The following FRMD5 variants were observed in gnomAD, a reference collection of about 807,000 sequenced individuals.
FRMD5 encodes FERM domain-containing protein 5.
Under a neutral mutation model 69.0 loss-of-function variants are expected in FRMD5, and 20 were observed. That is an observed-to-expected ratio of 0.29 (90% confidence interval 0.20 to 0.42). The LOEUF (loss-of-function observed/expected upper bound fraction) is 0.42, where lower values mean the gene tolerates loss of function less well. Among genes scored for constraint, FRMD5 ranks in the 10% least tolerant of loss-of-function variants. The pLI is 1.00. For missense variants in FRMD5, 595 were observed against 708.6 expected, an observed-to-expected ratio of 0.84 and a Z score of 1.82; for synonymous variants, 271 against 260.1, an observed-to-expected ratio of 1.04 and a Z score of -0.40.
chr15:44,140,510 A>G (rs555624453), intron 1 of FRMD5, among the ~76,000 whole-genome samples: 1 of 152,274 alleles, frequency 6.6e-6, no homozygotes, highest in East Asian at 1.9e-4. Flanking sequence ...AGCAAGAAGA[A>G]AAATAAAAGG....
intron 1 of FRMD5, among the ~76,000 whole-genome samples, chr15:44,181,674 G>A (rs967641763): frequency 1.3e-5 from 2 of 152,088 alleles, no homozygotes; most frequent in Non-Finnish European, 2.9e-5. Context: ...TGTTGACGTG[G>A]GAGGATTACT....
At chr15:44,006,043 G>A (rs1055799784) in intron 1 of FRMD5, among the ~76,000 whole-genome samples, 4 of 152,176 alleles carry the variant, frequency 2.6e-5, no homozygotes, top group Non-Finnish European at 5.9e-5. Flanking sequence ...ATGCCATCTA[G>A]GACTTTCATA....
chr15:43,966,150 G>A (rs1271560139), intron 1 of FRMD5, among the ~76,000 whole-genome samples: 1 of 151,734 alleles, frequency 6.6e-6, no homozygotes, highest in Non-Finnish European at 1.5e-5. Flanking sequence ...GAGGTGGGCA[G>A]ATCACTTGTC....
At chr15:43,876,895 A>G (rs2088376018) in intron 13 of FRMD5, among the ~76,000 whole-genome samples, 1 of 152,110 alleles carries the variant, frequency 6.6e-6, no homozygotes. Flanking sequence ...TTTCTCTTAC[A>G]TTTGGTAGGA....
At chr15:43,950,614 G>A (rs1159938908) in intron 1 of FRMD5, among the ~76,000 whole-genome samples, 1 of 152,154 alleles carries the variant, frequency 6.6e-6, no homozygotes. Context: ...AAATAATGTG[G>A]GCAGAGGCCA....
intron 1 of FRMD5, among the ~76,000 whole-genome samples, chr15:44,114,254 G>A (rs2076838639): frequency 6.6e-6 from 1 of 152,180 alleles, no homozygotes; most frequent in South Asian, 2.1e-4. Context: ...AAGGAAAATG[G>A]ATACTGACTC....
At chr15:44,154,407 C>T (rs923369714) in intron 1 of FRMD5, among the ~76,000 whole-genome samples, 7 of 151,872 alleles carry the variant, frequency 4.6e-5, no homozygotes, top group African/African-American at 1.5e-4. Context: ...TTAGTTTTTC[C>T]GAATCACCAT....
intron 1 of FRMD5, chr15:43,989,856 G>A: frequency 2.0e-6 from 2 of 1,024,200 alleles, no homozygotes; most frequent in Non-Finnish European, 3.1e-6. Flanking sequence ...TGGGGCTCAG[G>A]GGGACCTTGG....
chr15:43,974,161 G>A (rs1050217415), intron 1 of FRMD5, among the ~76,000 whole-genome samples: 2 of 152,042 alleles, frequency 1.3e-5, no homozygotes, highest in African/African-American at 4.8e-5. Context: ...AAGCACACAA[G>A]ATGGTCCTCT....
intron 1 of FRMD5, among the ~76,000 whole-genome samples, chr15:43,979,031 T>C (rs1338321651): frequency 6.6e-6 from 1 of 152,104 alleles, no homozygotes; most frequent in Non-Finnish European, 1.5e-5. Flanking sequence ...ATGTAGAAAA[T>C]GCTTATAGAA....
intron 1 of FRMD5, among the ~76,000 whole-genome samples, chr15:44,115,067 A>G (rs552127519): frequency 1.3e-5 from 2 of 152,238 alleles, no homozygotes; most frequent in Non-Finnish European, 2.9e-5. Flanking sequence ...GAGTAAGCTA[A>G]TATTATGAAG....
At chr15:43,955,163 C>G in intron 1 of FRMD5, among the ~76,000 whole-genome samples, 1 of 152,230 alleles carries the variant, frequency 6.6e-6, no homozygotes, top group Admixed American at 6.5e-5. Context: ...AAAGTCTCAA[C>G]TCTTTAACAC....
intron 13 of FRMD5, among the ~76,000 whole-genome samples, chr15:43,880,942 G>A (rs527547606): frequency 1.3e-5 from 2 of 152,218 alleles, no homozygotes; most frequent in South Asian, 4.1e-4. Flanking sequence ...ATGGGGACCT[G>A]ACTCAGCCTC....
At position 43,888,253 on chromosome 15, in the gene FRMD5, A is replaced by G; in HGVS notation, c.806T>C (p.Ile269Thr). 7.4e-6 allele frequency: 12 copies of G among 1,613,492 alleles called. No individual in the cohort carries two copies. The highest frequency in any genetic ancestry group is 9.3e-6 in the Non-Finnish European group (11 of 1,179,436). Residue 269 changes from isoleucine to threonine, a missense_variant, in exon 10 of 14, where the codon ATT (isoleucine) becomes ACT (threonine). Ile to Thr is a moderately conservative substitution (Grantham distance 89). Transcript: ENST00000417257. The stretch of plus-strand genomic sequence containing the variant: ...AGGAGTTGGAGCAAAATATGTAAGA[A>G]TAATTTTCTTTTCCTGCAAAAAATT... ...YVSQKEEKKI[I>T]LTYFAPTPEA... is the part of the protein sequence containing the mutation.
chr15:44,084,305 A>G (rs1425423039), intron 1 of FRMD5, among the ~76,000 whole-genome samples: 1 of 152,040 alleles, frequency 6.6e-6, no homozygotes, highest in East Asian at 1.9e-4. Flanking sequence ...CCTTCAAAGA[A>G]TCAATCTCTC....
At chr15:44,135,690 T>C (rs575090139) in intron 1 of FRMD5, among the ~76,000 whole-genome samples, 1 of 151,968 alleles carries the variant, frequency 6.6e-6, no homozygotes, top group African/African-American at 2.4e-5. Context: ...CCAGGCGTGG[T>C]GGTGCACACC....
chr15:43,994,252 T>C lies in FRMD5; in HGVS notation c.103-69943A>G, dbSNP rs561465691. Among the ~76,000 whole-genome samples, 82 of 152,312 alleles carry C rather than the reference T, an allele frequency of 5.4e-4. 2 individuals carry two copies. The South Asian group carries it at 0.017, about 31-fold the overall frequency. On this transcript the variant is annotated intron_variant, in intron 1 of 13. Transcript: ENST00000417257. Reference sequence around the variant, plus strand: ...TTTTTGTGAATCTACTATAGGCTTTTGTTTTGTGGTTACCATGAGGCTTAC... The same window carrying C: ...TTTTTGTGAATCTACTATAGGCTTTCGTTTTGTGGTTACCATGAGGCTTAC...
chr15:43,960,119 C>T (rs901274930), intron 1 of FRMD5, among the ~76,000 whole-genome samples: 1 of 151,990 alleles, frequency 6.6e-6, no homozygotes, highest in African/African-American at 2.4e-5. Flanking sequence ...GACGGAGTCT[C>T]GCTCTGTCGC....
intron 1 of FRMD5, among the ~76,000 whole-genome samples, chr15:44,143,431 A>G (rs1362866767): frequency 6.6e-6 from 1 of 152,078 alleles, no homozygotes; most frequent in Non-Finnish European, 1.5e-5. Flanking sequence ...GACATTGTAT[A>G]TAAGGAGATG....
Sources: allele counts gnomAD v4.1 joint callset (sites outside exome capture counted in the v4.1 genomes callset), GRCh38; gene constraint gnomAD v4.1.1; transcripts MANE v1.5; gene names NCBI Gene and HGNC (gene_info 2026-07-23, HGNC 2026-07-21).